Variants in GPR83 observed in about 807,000 individuals in gnomAD.
GPR83 encodes G-protein coupled receptor 72.
Under a neutral mutation model 28.0 loss-of-function variants are expected in GPR83, and 23 were observed. The observed-to-expected ratio is 0.82, with a 90% CI of 0.59 to 1.16. The LOEUF (loss-of-function observed/expected upper bound fraction) is 1.16, where lower values mean the gene tolerates loss of function less well. Ranked by LOEUF, GPR83 falls within the 50% of genes most tolerant of loss-of-function variation. The pLI, the probability that GPR83 is intolerant of heterozygous loss-of-function variation, is 0.00. For missense variants in GPR83, 610 were observed against 536.6 expected, an observed-to-expected ratio of 1.14 and a Z score of -1.35; for synonymous variants, 234 against 215.4, an observed-to-expected ratio of 1.09 and a Z score of -0.76.
At chr11:94,400,339 C>T (rs879874763) in intron 1 of GPR83, among the ~76,000 whole-genome samples, 15 of 151,816 alleles carry the variant, frequency 9.9e-5, no homozygotes, top group Non-Finnish European at 1.6e-4. Context: ...ATGCCACCGC[C>T]GCAGAAGCTC....
intron 1 of GPR83, among the ~76,000 whole-genome samples, chr11:94,396,938 G>A (rs1474143212): frequency 6.6e-6 from 1 of 151,014 alleles, no homozygotes; most frequent in Non-Finnish European, 1.5e-5. Flanking sequence ...TTTTTTAAAT[G>A]TCTGTAAAGG....
intron 2 of GPR83, among the ~76,000 whole-genome samples, chr11:94,395,716 T>C (rs1425653522): frequency 6.6e-6 from 1 of 152,206 alleles, no homozygotes; most frequent in Non-Finnish European, 1.5e-5. Flanking sequence ...TATTAGAACA[T>C]CTTCCTGACC....
chr11:94,399,173 G>A (rs557547755), intron 1 of GPR83, among the ~76,000 whole-genome samples: 81 of 152,256 alleles, frequency 5.3e-4, no homozygotes, highest in Admixed American at 1.4e-3. Context: ...TAGATTCTCA[G>A]GTCAGAAACC....
intron 3 of GPR83, among the ~76,000 whole-genome samples, chr11:94,386,704 T>G (rs894796628): frequency 1.3e-5 from 2 of 152,180 alleles, no homozygotes; most frequent in Non-Finnish European, 2.9e-5. Flanking sequence ...ACAAAGAGAC[T>G]TAGACTCCCA....
At chr11:94,393,304 G>T (rs1420726769) in intron 3 of GPR83, among the ~76,000 whole-genome samples, 181 bp downstream of exon 3, 1 of 152,168 alleles carries the variant, frequency 6.6e-6, no homozygotes, top group Non-Finnish European at 1.5e-5. Flanking sequence ...CAGACAAAAT[G>T]TAGAGGACAG....
At chr11:94,382,844 G>A (rs192801746) in intron 3 of GPR83, among the ~76,000 whole-genome samples, 1,665 of 152,228 alleles carry the variant, frequency 0.011, 114 homozygotes, top group Admixed American at 0.1. Flanking sequence ...AGAGCACAGT[G>A]CAATCAAACT....
intron 2 of GPR83, 101 bp downstream of exon 2, chr11:94,396,298 A>C (rs1331355376): frequency 1.8e-6 from 2 of 1,094,488 alleles, no homozygotes; most frequent in Non-Finnish European, 2.7e-6. Context: ...AAACACACTC[A>C]TTGAAAACTG....
intron 1 of GPR83, 152 bp from the exon 2 acceptor site, chr11:94,396,676 T>C (rs1209270246): frequency 1.3e-5 from 9 of 696,308 alleles, no homozygotes. Flanking sequence ...AAACATGATT[T>C]TCTCCAGCAC....
rs1944637493 is a variant in GPR83 at position 94,377,840 on chromosome 11, A to G, written c.*2309T>C. ...ATTCAATGCATTTTCAACTTCCAATATTTTGGACTTACGATGGGTTTATTG... is the reference window on the plus strand; with the variant it reads ...ATTCAATGCATTTTCAACTTCCAATGTTTTGGACTTACGATGGGTTTATTG... On this transcript the variant is annotated 3_prime_UTR_variant, in exon 4 of 4. Transcript: ENST00000243673. The G allele has an allele frequency of 6.6e-6, 1 of 152,086 alleles. No homozygotes were observed. Among genetic ancestry groups the G allele is most frequent in the African/African-American group, 2.4e-5 (1 of 41,414 alleles). 9.4% of individuals were successfully genotyped at this position (152,086 alleles called of 1,614,324 possible).
intron 2 of GPR83, among the ~76,000 whole-genome samples, chr11:94,395,546 T>C (rs575772092): frequency 6.6e-6 from 1 of 152,218 alleles, no homozygotes; most frequent in African/African-American, 2.4e-5. Context: ...ATATGCACTT[T>C]CCTGAGCCTC....
In GPR83 at chr11:94,379,499, AGTGATTTTGTGT is replaced by A. The variant is rs1168686514; in HGVS notation, c.*638_*649del. Reference sequence around the variant, plus strand: ...TTATCACAAATGGATGGGATAAGAGAGTGATTTTGTGTGTGTGTATGTGAGTGTGTGCTTTTC... The same window carrying A: ...TTATCACAAATGGATGGGATAAGAGAGTGTGTATGTGAGTGTGTGCTTTTC... On this transcript the variant is annotated 3_prime_UTR_variant, in exon 4 of 4. Transcript: ENST00000243673. The A allele has an allele frequency of 6.6e-6, 1 of 151,916 alleles. No individual in the cohort carries two copies. The highest frequency in any genetic ancestry group is 1.5e-5 in the Non-Finnish European group (1 of 68,004). 9.4% of individuals were successfully genotyped at this position (151,916 alleles called of 1,614,324 possible).
At chr11:94,386,830 A>G (rs921485356) in intron 3 of GPR83, among the ~76,000 whole-genome samples, 4 of 152,222 alleles carry the variant, frequency 2.6e-5, no homozygotes, top group African/African-American at 9.6e-5. Flanking sequence ...AGTGGACCTA[A>G]TAGACATCTA....
rs114721517 is a variant in GPR83 at position 94,384,921 on chromosome 11, G to A, written c.648-4148C>T. Among the ~76,000 whole-genome samples the A allele has an allele frequency of 4.2e-3, 641 of 152,314 alleles. 4 individuals are homozygous for A. The highest frequency in any genetic ancestry group is 0.014 in the African/African-American group (574 of 41,564). On this transcript the variant is annotated intron_variant, in intron 3 of 3. Coordinates refer to ENST00000243673, the MANE Select transcript of GPR83 (RefSeq NM_016540.4). The stretch of plus-strand genomic sequence containing the variant: ...GTCCTCAAGTGGGTCCTTGACCCCC[G>A]AGTAGTCTACCTGGGAGGCAACCCC...
At chr11:94,393,416 A>T (rs1294450837) in intron 3 of GPR83, 69 bp downstream of exon 3, 2 of 1,468,694 alleles carry the variant, frequency 1.4e-6, no homozygotes, top group Non-Finnish European at 1.9e-6. Flanking sequence ...GGCCTCAGGT[A>T]TCCCTTGGTG....
rs765298644 is a variant in GPR83 at position 94,401,220 on chromosome 11, G to A, written c.28C>T (p.Leu10Phe). MVPHLLLLC[L>F]LPLVRATEPH... ...TCGGTGGCTCGCACCAAGGGGAGGA[G>A]ACAGAGCAGCAAGAGGTGAGGGACC... The change falls in exon 1 of 4, where the codon CTC becomes TTC. Residue 10 changes from leucine (L) to phenylalanine (F), a missense_variant. Physicochemically the swap from Leu to Phe is conservative, Grantham distance 22 (BLOSUM62 0). Coordinates refer to ENST00000243673, the MANE Select transcript of GPR83 (RefSeq NM_016540.4). 17 of 1,611,224 alleles carry A rather than the reference G, an allele frequency of 1.1e-5. 1 individual carries two copies. In the South Asian group the frequency reaches 1.2e-4, roughly 11 times the overall value.
At chr11:94,385,345 G>A (rs138445540) in intron 3 of GPR83, among the ~76,000 whole-genome samples, 24,188 of 152,194 alleles carry the variant, frequency 0.16, 2,456 homozygotes, top group Non-Finnish European at 0.23. Flanking sequence ...AAAGCTGGAC[G>A]GAGAATGACT....
chr11:94,391,676 A>G (rs1013929798), intron 3 of GPR83, among the ~76,000 whole-genome samples: 2 of 152,216 alleles, frequency 1.3e-5, no homozygotes, highest in African/African-American at 4.8e-5. Flanking sequence ...ATGAACAGAC[A>G]CTTCTCAGAA....
chr11:94,391,592 C>T (rs566610907), intron 3 of GPR83, among the ~76,000 whole-genome samples: 144 of 152,260 alleles, frequency 9.5e-4, no homozygotes, highest in African/African-American at 3.2e-3. Flanking sequence ...GGCTAATACC[C>T]AGGATCTACA....
intron 2 of GPR83, among the ~76,000 whole-genome samples, chr11:94,395,903 G>A (rs1171104745): frequency 1.3e-5 from 2 of 152,220 alleles, no homozygotes; most frequent in Admixed American, 6.5e-5. Context: ...CCTCAAACAA[G>A]CTCACTAATT....
Sources: allele counts gnomAD v4.1 joint callset (sites outside exome capture counted in the v4.1 genomes callset), GRCh38; gene constraint gnomAD v4.1.1; transcripts MANE v1.5; gene names NCBI Gene and HGNC (gene_info 2026-07-23, HGNC 2026-07-21).